Variants in KCNMA1 observed in about 807,000 individuals in gnomAD.
The protein encoded by KCNMA1 is potassium calcium-activated channel subfamily M alpha 1, also known as Calcium-activated potassium channel subunit alpha-1.
A neutral mutation model predicts 140.0 loss-of-function variants in KCNMA1; 29 were observed. That is an observed-to-expected ratio of 0.21 (90% CI 0.15 to 0.28). KCNMA1 has a LOEUF of 0.28. Among genes scored for constraint, KCNMA1 ranks in the 10% least tolerant of loss-of-function variants. The probability of loss-of-function intolerance (pLI) is 1.00; values close to 1 mark genes in which losing one functional copy is unlikely to be tolerated. For missense variants in KCNMA1, 880 were observed against 1,602.2 expected (o/e 0.55, Z 7.70); for synonymous variants, 612 against 611.9 (o/e 1.00, Z 0.00).
chr10:77,081,994 CTTTTTTTCTTTTCTTT>C (rs2096580450), intron 12 of KCNMA1, among the ~76,000 whole-genome samples: 2 of 68,528 alleles, frequency 2.9e-5, no homozygotes, highest in African/African-American at 1.3e-4. Context: ...CCAGTAATTT[CTTTTTTTCTTTTCTTT>C]TTTTTTTTTT....
rs144289309 is a variant in KCNMA1, at chr10:76,921,080, G to T, written c.2903-6031C>A. Among the ~76,000 whole-genome samples, 1,193 of 152,262 alleles carry T rather than the reference G, an allele frequency of 7.8e-3. 16 individuals are homozygous for T. Among genetic ancestry groups the T allele is most frequent in the African/African-American group, 0.028 (1,152 of 41,536 alleles). On this transcript the variant is annotated intron_variant, in intron 23 of 27. Transcript: ENST00000286628. ...AATCATCTCCCCTAGAATAGATGGA[G>T]AAATGAAGGTAAGTGCTTCTCCCAC...
At chr10:77,190,725 G>A (rs2098932092) in intron 3 of KCNMA1, among the ~76,000 whole-genome samples, 1 of 152,118 alleles carries the variant, frequency 6.6e-6, no homozygotes, top group Admixed American at 6.6e-5. Context: ...CTGTCATGTG[G>A]GACACTAATA....
intron 1 of KCNMA1, among the ~76,000 whole-genome samples, chr10:77,412,048 T>C (rs977888930): frequency 6.6e-6 from 1 of 152,080 alleles, no homozygotes; most frequent in East Asian, 1.9e-4. Context: ...GGAGGTAGGG[T>C]TCTGACAGGG....
In KCNMA1 at chr10:77,554,849, T is replaced by C. The variant is rs547226665; in HGVS notation, c.378+82416A>G. Among the ~76,000 whole-genome samples, 87 of 152,102 alleles carry C rather than the reference T, an allele frequency of 5.7e-4. 1 individual carries two copies. Among genetic ancestry groups the C allele is most frequent in the Non-Finnish European group, 1.0e-3 (71 of 67,964 alleles). ...ACCATTACGGCCCATTTTCTCAAAC[T>C]AGGCCCTCCTGGGGGTCTTAGGGAA... On this transcript the variant is annotated intron_variant, in intron 1 of 27. Coordinates refer to ENST00000286628, the MANE Select transcript of KCNMA1 (RefSeq NM_001161352.2).
At chr10:77,217,163 G>A (rs760343070) in intron 3 of KCNMA1, among the ~76,000 whole-genome samples, 8 of 151,892 alleles carry the variant, frequency 5.3e-5, no homozygotes, top group Non-Finnish European at 1.0e-4. Flanking sequence ...AAATTAGCTA[G>A]GCATGGTGGC....
intron 2 of KCNMA1, among the ~76,000 whole-genome samples, chr10:77,324,320 T>C (rs928995124): frequency 2.8e-4 from 42 of 152,090 alleles, no homozygotes; most frequent in Admixed American, 2.6e-3. Context: ...TCCTGTAAAA[T>C]GGGAAAACCA....
At chr10:76,948,962 T>A (rs1020072749) in intron 22 of KCNMA1, 180 bp downstream of exon 22, 1 of 669,362 alleles carries the variant, frequency 1.5e-6, no homozygotes, top group African/African-American at 1.8e-5. Context: ...TTCCTTTTAA[T>A]AAGGTCTCCC....
chr10:77,452,225 C>T (rs1052610115), intron 1 of KCNMA1, among the ~76,000 whole-genome samples: 2 of 152,182 alleles, frequency 1.3e-5, no homozygotes, highest in African/African-American at 4.8e-5. Context: ...CTGGCCATGC[C>T]TCCTGGTCAT....
At chr10:77,077,912 A>T (rs2096447552) in intron 13 of KCNMA1, 2 of 152,212 alleles carry the variant, frequency 1.3e-5, no homozygotes, top group South Asian at 4.1e-4. Context: ...CCCACCACCA[A>T]ATCCGTTGGC....
intron 1 of KCNMA1, among the ~76,000 whole-genome samples, chr10:77,526,823 T>C (rs999746817): frequency 3.4e-5 from 5 of 148,228 alleles, no homozygotes; most frequent in African/African-American, 9.8e-5. Flanking sequence ...TTCCTTCTCC[T>C]CTCTCTCTCT....
rs957915501 is a variant in KCNMA1, at chr10:77,411,007, T to G, written c.379-6984A>C. Among the ~76,000 whole-genome samples, 4 of 152,308 alleles carry G rather than the reference T, an allele frequency of 2.6e-5. No individual in the cohort carries two copies. In the East Asian group the frequency reaches 7.7e-4, roughly 29 times the overall value. ...AGTTTTTGTCTGTTTCTTTTTGTTTTGTTTGTTTTGTTTTAGACAGAGTCT... is the reference window on the plus strand; with the variant it reads ...AGTTTTTGTCTGTTTCTTTTTGTTTGGTTTGTTTTGTTTTAGACAGAGTCT... On this transcript the variant is annotated intron_variant, in intron 1 of 27. Coordinates refer to ENST00000286628, the MANE Select transcript of KCNMA1 (RefSeq NM_001161352.2).
At chr10:77,241,186 A>G (rs2057171180) in intron 3 of KCNMA1, among the ~76,000 whole-genome samples, 1 of 152,188 alleles carries the variant, frequency 6.6e-6, no homozygotes, top group Non-Finnish European at 1.5e-5. Flanking sequence ...GAAAATTTCC[A>G]GAAGGATGGG....
At chr10:77,050,309 A>C (rs1440722589) in intron 14 of KCNMA1, among the ~76,000 whole-genome samples, 5 of 152,160 alleles carry the variant, frequency 3.3e-5, no homozygotes, top group Non-Finnish European at 5.9e-5. Context: ...AAAACAAAAA[A>C]AAAACTGGGA....
intron 1 of KCNMA1, among the ~76,000 whole-genome samples, chr10:77,554,389 G>A (rs2063619618): frequency 6.6e-6 from 1 of 152,164 alleles, no homozygotes; most frequent in South Asian, 2.1e-4. Flanking sequence ...TTGAGGTCAG[G>A]AGTTTTAAGA....
intron 3 of KCNMA1, among the ~76,000 whole-genome samples, chr10:77,230,881 C>T (rs967384706): frequency 1.3e-5 from 2 of 152,106 alleles, no homozygotes; most frequent in African/African-American, 4.8e-5. Flanking sequence ...AGAGAAATTT[C>T]TGTCTTCAAG....
intron 1 of KCNMA1, among the ~76,000 whole-genome samples, chr10:77,421,031 G>A (rs2096855587): frequency 6.6e-6 from 1 of 152,356 alleles, no homozygotes; most frequent in Non-Finnish European, 1.5e-5. Flanking sequence ...CAAAAGTTAA[G>A]GCCCTCAGCA....
chr10:76,899,845 A>G lies in KCNMA1; in HGVS notation c.3148-8126T>C, dbSNP rs538483267. 2.0e-4 allele frequency among the ~76,000 whole-genome samples: 30 copies of G among 152,274 alleles called. 1 individual carries two copies. The South Asian group carries it at 6.2e-3, about 32-fold the overall frequency. The stretch of plus-strand genomic sequence containing the variant: ...ACAGACATGAATATTGTGCTTTCAG[A>G]TAATATTTAATGGCATGGTAATAAT... On this transcript the variant is annotated intron_variant, in intron 25 of 27. Transcript: ENST00000286628.
rs3998084 is a variant in KCNMA1 at position 77,314,923 on chromosome 10, A to AACACAC, written c.541-63673_541-63668dup. ...GTTCAGAAGACACCACCACACCCCC[A>AACACAC]ACACACACACACACACACACACACA... On this transcript the variant is annotated intron_variant, in intron 2 of 27. Transcript: ENST00000286628. 2.4e-3 allele frequency among the ~76,000 whole-genome samples: 355 copies of AACACAC among 146,354 alleles called. 4 individuals are homozygous for AACACAC. The highest frequency in any genetic ancestry group is 0.016 in the South Asian group (70 of 4,402).
intron 5 of KCNMA1, among the ~76,000 whole-genome samples, chr10:77,141,628 C>A (rs1333607550): frequency 6.6e-6 from 1 of 152,192 alleles, no homozygotes; most frequent in East Asian, 1.9e-4. Context: ...TTCAGCCACC[C>A]AGTTTTTGAT....
Sources: gnomAD v4.1 joint callset for allele counts (sites outside exome capture counted in the v4.1 genomes callset) on GRCh38, gnomAD v4.1.1 for gene constraint, MANE v1.5 for transcripts, NCBI Gene and HGNC (gene_info 2026-07-23, HGNC 2026-07-21) for gene names.